Variants in RANBP2 observed in about 807,000 individuals in gnomAD.
RANBP2 encodes the protein E3 SUMO-protein ligase RanBP2.
RANBP2 carries 57 observed loss-of-function variants against 303.6 expected under a neutral mutation model. The ratio of observed to expected loss-of-function variants is 0.19; its 90% confidence interval spans 0.15 to 0.23. The LOEUF is 0.23. Among genes scored for constraint, RANBP2 ranks in the 10% least tolerant of loss-of-function variants. The pLI, the probability that RANBP2 is intolerant of heterozygous loss-of-function variation, is 1.00. For synonymous variants in RANBP2, 1,167 were observed against 1,301.5 expected (o/e 0.90, Z 2.23); for missense variants, 3,138 against 3,780.8 (o/e 0.83, Z 4.46).
chr2:109,336,896 G>A, the RANBP2 span, among the ~76,000 whole-genome samples: 2 of 152,142 alleles, frequency 1.3e-5, no homozygotes, highest in Admixed American at 1.3e-4. Flanking sequence ...AGTTCCTCCT[G>A]TCCCAGAGCA....
At chr2:108,944,142 C>G in the RANBP2 span, among the ~76,000 whole-genome samples, 1 of 152,304 alleles carries the variant, frequency 6.6e-6, no homozygotes, top group South Asian at 2.1e-4. Flanking sequence ...GAGACAGAGT[C>G]TCGCTCTGTC....
the RANBP2 span, chr2:109,419,450 A>T: frequency 7.5e-7 from 1 of 1,330,910 alleles, no homozygotes; most frequent in Non-Finnish European, 1.0e-6. Context: ...AAGCACAGGC[A>T]CCTGTGGATG....
At chr2:109,565,950 A>C in the RANBP2 span, 2 of 1,164,586 alleles carry the variant, frequency 1.7e-6, no homozygotes, top group Middle Eastern at 1.9e-4. Context: ...AGAATAATTA[A>C]ATAACAAACC....
chr2:109,078,228 G>GTATA, the RANBP2 span, among the ~76,000 whole-genome samples: 14 of 39,276 alleles, frequency 3.6e-4, 1 homozygote, highest in Non-Finnish European at 6.3e-4. Flanking sequence ...TATATAGCGT[G>GTATA]TATATATATA....
chr2:108,991,670 C>T, the RANBP2 span, among the ~76,000 whole-genome samples: 99 of 152,196 alleles, frequency 6.5e-4, no homozygotes, highest in African/African-American at 2.2e-3. Flanking sequence ...CAAAACTTCG[C>T]AAGTGATTTT....
At chr2:108,991,750 A>G in the RANBP2 span, among the ~76,000 whole-genome samples, 1 of 152,218 alleles carries the variant, frequency 6.6e-6, no homozygotes, top group Non-Finnish European at 1.5e-5. Context: ...TGCAGATCAG[A>G]TAATTTCCAG....
chr2:109,486,590 C>T, the RANBP2 span, among the ~76,000 whole-genome samples: 4 of 152,212 alleles, frequency 2.6e-5, no homozygotes, highest in South Asian at 8.3e-4. Flanking sequence ...GCTGTCATCT[C>T]AGCAGCTCAG....
the RANBP2 span, among the ~76,000 whole-genome samples, chr2:108,871,918 T>C: frequency 1.3e-5 from 2 of 152,184 alleles, no homozygotes; most frequent in Non-Finnish European, 2.9e-5. Flanking sequence ...GTTAATTATA[T>C]TCAGTGATCA....
chr2:108,728,604 GA>G (rs1694923895), intron 1 of RANBP2, among the ~76,000 whole-genome samples: 2 of 132,882 alleles, frequency 1.5e-5, no homozygotes, highest in African/African-American at 5.8e-5. Context: ...TTATGATGAT[GA>G]TGATGATGAT....
At chr2:109,470,027 C>T in the RANBP2 span, among the ~76,000 whole-genome samples, 10 of 152,190 alleles carry the variant, frequency 6.6e-5, no homozygotes, top group African/African-American at 2.4e-4. Flanking sequence ...TCATTTCACT[C>T]TTCGTGCGTC....
At chr2:109,586,477 T>TA in the RANBP2 span, among the ~76,000 whole-genome samples, 1 of 152,196 alleles carries the variant, frequency 6.6e-6, no homozygotes, top group Admixed American at 6.5e-5. Context: ...GTTATAGTCT[T>TA]AATGGGTTAA....
At chr2:108,734,924 G>A (rs1419272162) in intron 4 of RANBP2, among the ~76,000 whole-genome samples, 6 of 152,180 alleles carry the variant, frequency 3.9e-5, no homozygotes. Context: ...GGGCACGGTG[G>A]TGCATGCCTG....
chr2:108,789,893 A>G (rs1374067494), downstream of RANBP2, among the ~76,000 whole-genome samples: 1 of 152,266 alleles, frequency 6.6e-6, no homozygotes, highest in East Asian at 1.9e-4. Flanking sequence ...AATATGTGGC[A>G]GAAAGAAATG....
the RANBP2 span, among the ~76,000 whole-genome samples, chr2:109,530,574 T>TGATATGCAA: frequency 1.4e-4 from 21 of 152,300 alleles, no homozygotes; most frequent in East Asian, 3.9e-3. Flanking sequence ...AATACCGGAA[T>TGATATGCAA]GATATGCAAG....
In RANBP2 at chr2:108,784,696, C is replaced by T. The variant is rs1466833235; in HGVS notation, c.*795C>T. 1 of 152,524 alleles carries T rather than the reference C, an allele frequency of 6.6e-6. No homozygotes were observed. Among genetic ancestry groups the T allele is most frequent in the Non-Finnish European group, 1.5e-5 (1 of 68,032 alleles). 9.4% of individuals were successfully genotyped at this position (152,524 alleles called of 1,614,324 possible). ...TATGAATATTTTTAGAAAGTCTATA[C>T]CATGTTCTTTCGTTAAAGATTTGCT... On this transcript the variant is annotated 3_prime_UTR_variant, in exon 29 of 29. Coordinates refer to ENST00000283195, the MANE Select transcript of RANBP2 (RefSeq NM_006267.5).
At chr2:109,210,193 A>G in the RANBP2 span, among the ~76,000 whole-genome samples, 1,278 of 152,282 alleles carry the variant, frequency 8.4e-3, 14 homozygotes, top group African/African-American at 0.029. Context: ...CATTTTGTGT[A>G]TTCATTCATC....
the RANBP2 span, among the ~76,000 whole-genome samples, chr2:109,013,467 A>C: frequency 6.6e-6 from 1 of 152,228 alleles, no homozygotes; most frequent in Non-Finnish European, 1.5e-5. Context: ...CAGACAACTG[A>C]ATAAAGTACA....
At chr2:108,931,812 T>C in the RANBP2 span, among the ~76,000 whole-genome samples, 1 of 152,184 alleles carries the variant, frequency 6.6e-6, no homozygotes, top group Non-Finnish European at 1.5e-5. Flanking sequence ...GTCTGGGTAT[T>C]AATTAGCCTG....
intron 7 of RANBP2, among the ~76,000 whole-genome samples, chr2:108,742,799 T>G (rs1696216935): frequency 6.6e-6 from 1 of 152,008 alleles, no homozygotes; most frequent in Non-Finnish European, 1.5e-5. Context: ...TTTTTATTTA[T>G]TTTTTTTGAG....
Sources: allele counts gnomAD v4.1 joint callset (sites outside exome capture counted in the v4.1 genomes callset), GRCh38; gene constraint gnomAD v4.1.1; transcripts MANE v1.5; gene names NCBI Gene and HGNC (gene_info 2026-07-23, HGNC 2026-07-21).